Variants in ANKFN1 observed in about 807,000 individuals in gnomAD.
The protein encoded by ANKFN1 is ankyrin repeat and fibronectin type-III domain-containing protein 1.
A neutral mutation model predicts 108.7 loss-of-function variants in ANKFN1; 74 were observed. The observed-to-expected ratio is 0.68, with a 90% CI of 0.56 to 0.83. The LOEUF is 0.83. Ranked by LOEUF, ANKFN1 falls within the 40% of genes least tolerant of loss-of-function variation. The pLI is 0.00. For synonymous variants in ANKFN1, 547 were observed against 516.2 expected (o/e 1.06, Z -0.81); for missense variants, 1,505 against 1,382.3 (o/e 1.09, Z -1.41).
intron 8 of ANKFN1, among the ~76,000 whole-genome samples, chr17:56,439,053 A>T (rs1015085635): frequency 1.3e-5 from 2 of 152,152 alleles, no homozygotes; most frequent in Non-Finnish European, 2.9e-5. Flanking sequence ...GATTTCCCAA[A>T]GGGAGGCTGT....
At position 56,275,267 on chromosome 17, in the gene ANKFN1, G is replaced by A. The variant is rs186113352; in HGVS notation, c.53+47310G>A. On this transcript the variant is annotated intron_variant, in intron 3 of 20. Coordinates refer to ENST00000682825, the MANE Select transcript of ANKFN1 (RefSeq NM_001370326.1). ...GGATTTAACCCTGCTAAAAATTGGA[G>A]TATCTGCTGATTACCAAGGAGATGA... 1.4e-3 allele frequency among the ~76,000 whole-genome samples: 218 copies of A among 151,794 alleles called. 1 individual carries two copies. Among genetic ancestry groups the A allele is most frequent in the African/African-American group, 5.0e-3 (209 of 41,404 alleles).
At chr17:56,116,879 G>A (rs1906314891) in intron 4 of ANKFN1, among the ~76,000 whole-genome samples, 1 of 152,116 alleles carries the variant, frequency 6.6e-6, no homozygotes, top group African/African-American at 2.4e-5. Flanking sequence ...GTGACTGCAG[G>A]GAGCATGAAG....
intron 6 of ANKFN1, among the ~76,000 whole-genome samples, chr17:56,370,919 C>G (rs770708927): frequency 7.3e-5 from 11 of 150,210 alleles, no homozygotes. Context: ...AATTTTTCCA[C>G]TGGAGTGTGC....
chr17:56,399,362 A>C (rs2144920421), intron 8 of ANKFN1, among the ~76,000 whole-genome samples: 1 of 152,240 alleles, frequency 6.6e-6, no homozygotes, highest in South Asian at 2.1e-4. Context: ...TTTTTAAGAG[A>C]ACTTCAACAA....
At chr17:56,403,615 C>T (rs776017159) in intron 8 of ANKFN1, among the ~76,000 whole-genome samples, 39 of 152,140 alleles carry the variant, frequency 2.6e-4, no homozygotes, top group Non-Finnish European at 4.6e-4. Context: ...GGTTCTGTAT[C>T]TTTTAAGTGG....
At chr17:56,432,918 T>C (rs2048806619) in intron 8 of ANKFN1, among the ~76,000 whole-genome samples, 1 of 152,258 alleles carries the variant, frequency 6.6e-6, no homozygotes, top group Admixed American at 6.5e-5. Flanking sequence ...AAAATCTGCT[T>C]GAGCAATCAT....
At position 56,488,791 on chromosome 17, in the gene ANKFN1, T is replaced by C. The variant is rs139555891; in HGVS notation, c.2261-3396T>C. Among the ~76,000 whole-genome samples the C allele has an allele frequency of 1.1e-4, 17 of 152,362 alleles. No individual in the cohort carries two copies. The East Asian group carries it at 3.1e-3, about 28-fold the overall frequency. On this transcript the variant is annotated intron_variant, in intron 18 of 20. Coordinates refer to ENST00000682825, the MANE Select transcript of ANKFN1 (RefSeq NM_001370326.1). ...ACTAGGCCACATGGCCCAGACTGAT[T>C]AGGATTTTAGTGAGTTAGATATCCT...
chr17:56,085,625 G>A (rs962122188), intron 4 of ANKFN1, among the ~76,000 whole-genome samples: 1 of 151,336 alleles, frequency 6.6e-6, no homozygotes, highest in African/African-American at 2.4e-5. Flanking sequence ...ATGAGGTTCA[G>A]GCCCACCAAC....
intron 3 of ANKFN1, among the ~76,000 whole-genome samples, chr17:56,270,820 T>C (rs560259373): frequency 6.6e-6 from 1 of 152,278 alleles, no homozygotes; most frequent in South Asian, 2.1e-4. Context: ...AATGTTCTTT[T>C]TCCTGCAGTC....
In ANKFN1 at chr17:56,458,565, T is replaced by C. The variant is rs371773017; in HGVS notation, c.1557+586T>C. Among the ~76,000 whole-genome samples, 6 of 152,296 alleles carry C rather than the reference T, an allele frequency of 3.9e-5. No individual in the cohort carries two copies. In the South Asian group the frequency reaches 6.2e-4, roughly 16 times the overall value. Reference sequence around the variant, plus strand: ...CTTCCATATTCTCAGTCACATCAGATCAAGTCCCCAATCTTTGTAGGTTAC... The same window carrying C: ...CTTCCATATTCTCAGTCACATCAGACCAAGTCCCCAATCTTTGTAGGTTAC... On this transcript the variant is annotated intron_variant, in intron 14 of 20. Transcript: ENST00000682825.
intron 8 of ANKFN1, among the ~76,000 whole-genome samples, chr17:56,428,160 G>T (rs1285487137): frequency 1.3e-5 from 2 of 151,792 alleles, no homozygotes; most frequent in Non-Finnish European, 2.9e-5. Context: ...CTTGAACCCG[G>T]GAGGCAGAGG....
At chr17:56,116,314 A>T (rs1451843938) in intron 4 of ANKFN1, among the ~76,000 whole-genome samples, 1 of 152,172 alleles carries the variant, frequency 6.6e-6, no homozygotes, top group Non-Finnish European at 1.5e-5. Context: ...GGATTATTAT[A>T]AACAGGATGT....
chr17:56,411,941 G>A (rs1451688405), intron 8 of ANKFN1, among the ~76,000 whole-genome samples: 1 of 152,136 alleles, frequency 6.6e-6, no homozygotes, highest in African/African-American at 2.4e-5. Context: ...ACATTGGCCT[G>A]TAGATTTCTT....
chr17:56,137,101 A>G (rs576111538), intron 4 of ANKFN1, among the ~76,000 whole-genome samples: 1 of 152,302 alleles, frequency 6.6e-6, no homozygotes, highest in South Asian at 2.1e-4. Context: ...GGAGGTTACA[A>G]TCTGTTAGGG....
chr17:56,223,245 T>G (rs189921585), intron 2 of ANKFN1, among the ~76,000 whole-genome samples: 18 of 152,334 alleles, frequency 1.2e-4, no homozygotes, highest in African/African-American at 4.1e-4. Flanking sequence ...ATAGAATTAC[T>G]TCTGGAAAAC....
At chr17:56,468,355 A>G (rs2145303864) in intron 15 of ANKFN1, among the ~76,000 whole-genome samples, 1 of 152,262 alleles carries the variant, frequency 6.6e-6, no homozygotes, top group East Asian at 1.9e-4. Flanking sequence ...TCCTGAGTCC[A>G]GCACGCTCTC....
chr17:56,361,982 T>C (rs1260813449), intron 6 of ANKFN1, among the ~76,000 whole-genome samples: 1 of 152,144 alleles, frequency 6.6e-6, no homozygotes, highest in African/African-American at 2.4e-5. Context: ...AGAATTCTGC[T>C]GATCTCACAG....
rs1389323711 is a variant in ANKFN1, at chr17:56,512,859, C to T, written c.*1590C>T. ...GCCTATGGTCATTAGAAAACTAAAG[C>T]CCAGAGCTCAGACTTTATTTTTTTA... On this transcript the variant is annotated 3_prime_UTR_variant, in exon 21 of 21. Coordinates refer to ENST00000682825, the MANE Select transcript of ANKFN1 (RefSeq NM_001370326.1). Among the ~76,000 whole-genome samples the T allele has an allele frequency of 6.6e-5, 10 of 152,188 alleles. No homozygotes were observed. Among genetic ancestry groups the T allele is most frequent in the Admixed American group, 6.5e-4 (10 of 15,286 alleles).
intron 3 of ANKFN1, among the ~76,000 whole-genome samples, chr17:56,255,706 A>G (rs1428356309): frequency 6.6e-6 from 1 of 152,206 alleles, no homozygotes; most frequent in African/African-American, 2.4e-5. Context: ...CTGGGCTATT[A>G]TATATCGCAC....
Sources: gnomAD v4.1 joint callset for allele counts (sites outside exome capture counted in the v4.1 genomes callset) on GRCh38, gnomAD v4.1.1 for gene constraint, MANE v1.5 for transcripts, NCBI Gene and HGNC (gene_info 2026-07-23, HGNC 2026-07-21) for gene names.